TENM2: variants seen among roughly 807,000 people sequenced by gnomAD.
TENM2 encodes the protein teneurin transmembrane protein 2.
TENM2 carries 52 observed loss-of-function variants against 245.2 expected under a neutral mutation model. The observed-to-expected ratio is 0.21, with a 90% CI of 0.17 to 0.27. The LOEUF (loss-of-function observed/expected upper bound fraction) is 0.27. TENM2 is among the 10% of genes least tolerant of loss of function. The pLI is 1.00. For synonymous variants in TENM2, 1,363 were observed against 1,438.9 expected, an observed-to-expected ratio of 0.95 and a Z score of 1.19; for missense variants, 3,046 against 3,666.8, an observed-to-expected ratio of 0.83 and a Z score of 4.37.
chr5:167,744,851 A>T (rs1253402020), intron 2 of TENM2, among the ~76,000 whole-genome samples: 1 of 152,164 alleles, frequency 6.6e-6, no homozygotes, highest in Non-Finnish European at 1.5e-5. Context: ...AAACAAAAAA[A>T]CCGTGATGGG....
At chr5:168,095,896 T>G (rs1305290790) in intron 8 of TENM2, among the ~76,000 whole-genome samples, 1 of 152,094 alleles carries the variant, frequency 6.6e-6, no homozygotes, top group African/African-American at 2.4e-5. Context: ...TCAGCACATG[T>G]TCTGTTCCCC....
chr5:167,004,468 G>T, the TENM2 span, among the ~76,000 whole-genome samples: 3 of 152,272 alleles, frequency 2.0e-5, no homozygotes, highest in East Asian at 3.9e-4. Flanking sequence ...TTGTGGCAGT[G>T]TTATGTAATC....
chr5:168,234,921 G>A (rs1213462689), intron 25 of TENM2, among the ~76,000 whole-genome samples: 1 of 152,186 alleles, frequency 6.6e-6, no homozygotes, highest in African/African-American at 2.4e-5. Context: ...AGAAGTGGGA[G>A]TTAGTAATTT....
intron 3 of TENM2, among the ~76,000 whole-genome samples, chr5:167,895,827 A>C (rs1189932100): frequency 6.6e-6 from 1 of 152,194 alleles, no homozygotes; most frequent in Non-Finnish European, 1.5e-5. Context: ...GAAGCTGAAG[A>C]CTTTTTCAAT....
At chr5:167,852,340 G>C (rs2151216681) in intron 2 of TENM2, among the ~76,000 whole-genome samples, 1 of 152,338 alleles carries the variant, frequency 6.6e-6, no homozygotes, top group African/African-American at 2.4e-5. Context: ...ATAGGTTCAT[G>C]AAGGAAAGGC....
chr5:167,146,601 A>G, the TENM2 span, among the ~76,000 whole-genome samples: 2 of 152,168 alleles, frequency 1.3e-5, no homozygotes, highest in African/African-American at 2.4e-5. Flanking sequence ...ACTCAAATCT[A>G]TACTTACCAA....
intron 1 of TENM2, among the ~76,000 whole-genome samples, chr5:167,328,498 C>T (rs1263361565): frequency 6.6e-6 from 1 of 152,136 alleles, no homozygotes; most frequent in Admixed American, 6.5e-5. Flanking sequence ...GCCAGTTTCC[C>T]ATATCTTTTG....
At chr5:167,112,249 C>G in the TENM2 span, among the ~76,000 whole-genome samples, 3 of 152,144 alleles carry the variant, frequency 2.0e-5, no homozygotes, top group Non-Finnish European at 1.5e-5. Context: ...GCATGAATAC[C>G]ACCGTATTTC....
At chr5:167,644,846 C>T (rs943686729) in intron 2 of TENM2, among the ~76,000 whole-genome samples, 3 of 152,172 alleles carry the variant, frequency 2.0e-5, no homozygotes, top group Non-Finnish European at 4.4e-5. Context: ...CATCTTTCAA[C>T]ATCAAGAATA....
chr5:167,356,962 T>G (rs1463968963), intron 1 of TENM2, among the ~76,000 whole-genome samples: 2 of 152,212 alleles, frequency 1.3e-5, no homozygotes, highest in African/African-American at 2.4e-5. Flanking sequence ...TCATAGAACT[T>G]AAAGCTTTTC....
At chr5:167,227,197 GT>G in the TENM2 span, among the ~76,000 whole-genome samples, 9 of 151,790 alleles carry the variant, frequency 5.9e-5, no homozygotes, top group African/African-American at 1.7e-4. Context: ...GATAAGTGTG[GT>G]TTTTTTCCTG....
At chr5:167,233,569 A>G in the TENM2 span, among the ~76,000 whole-genome samples, 31,718 of 152,142 alleles carry the variant, frequency 0.21, 3,885 homozygotes, top group African/African-American at 0.34. Flanking sequence ...AAGCAAATCT[A>G]CTTTATTACA....
intron 6 of TENM2, among the ~76,000 whole-genome samples, chr5:168,054,727 G>A (rs556319142): frequency 4.6e-5 from 7 of 152,268 alleles, no homozygotes; most frequent in South Asian, 2.1e-4. Context: ...AACATCAGTC[G>A]TGTTTAACTG....
chr5:167,763,033 A>G (rs1486883836), intron 2 of TENM2, among the ~76,000 whole-genome samples: 1 of 152,076 alleles, frequency 6.6e-6, no homozygotes, highest in East Asian at 1.9e-4. Context: ...CTTTGACCTG[A>G]CTTCTCCCTG....
intron 12 of TENM2, among the ~76,000 whole-genome samples, chr5:168,157,285 G>A (rs1757268595): frequency 6.6e-6 from 1 of 152,170 alleles, no homozygotes; most frequent in Admixed American, 6.6e-5. Context: ...GTGATATTGA[G>A]ATAGGCTGAT....
chr5:168,115,075 C>T (rs551306505), intron 9 of TENM2, among the ~76,000 whole-genome samples: 1 of 152,032 alleles, frequency 6.6e-6, no homozygotes, highest in Non-Finnish European at 1.5e-5. Context: ...GGGTGGATCA[C>T]CTGAGGTCAG....
At chr5:167,490,042 T>C (rs961091280) in intron 2 of TENM2, among the ~76,000 whole-genome samples, 1 of 152,190 alleles carries the variant, frequency 6.6e-6, no homozygotes, top group African/African-American at 2.4e-5. Context: ...ATTATTATCT[T>C]AGCATTACTT....
chr5:168,174,836 A>G (rs1759203441), intron 13 of TENM2, among the ~76,000 whole-genome samples: 1 of 152,206 alleles, frequency 6.6e-6, no homozygotes, highest in African/African-American at 2.4e-5. Context: ...GAGAGGAGTC[A>G]GGGCTCCAAC....
chr5:167,198,706 C>T, the TENM2 span, among the ~76,000 whole-genome samples: 1 of 152,050 alleles, frequency 6.6e-6, no homozygotes, highest in East Asian at 1.9e-4. Flanking sequence ...AACTCCCTGT[C>T]CGGTCCCAGC....
Sources: allele counts gnomAD v4.1 joint callset (sites outside exome capture counted in the v4.1 genomes callset), GRCh38; gene constraint gnomAD v4.1.1; transcripts MANE v1.5; gene names NCBI Gene and HGNC (gene_info 2026-07-23, HGNC 2026-07-21).